The following ESRRG variants were observed in gnomAD, a reference collection of about 807,000 sequenced individuals.
ESRRG encodes estrogen related receptor gamma, also known as estrogen-related receptor gamma.
A neutral mutation model predicts 44.0 loss-of-function variants in ESRRG; 13 were observed. That is an observed-to-expected ratio of 0.30 (90% CI 0.19 to 0.47). The LOEUF is 0.47. ESRRG is among the 20% of genes least tolerant of loss of function. The probability of loss-of-function intolerance (pLI) is 1.00; values close to 1 mark genes in which losing one functional copy is unlikely to be tolerated. For missense variants in ESRRG, 395 were observed against 580.6 expected, an observed-to-expected ratio of 0.68 and a Z score of 3.29; for synonymous variants, 215 against 214.6, an observed-to-expected ratio of 1.00 and a Z score of -0.02.
intron 1 of ESRRG, among the ~76,000 whole-genome samples, chr1:217,017,136 A>G (rs1560483621): frequency 6.6e-6 from 1 of 152,132 alleles, no homozygotes; most frequent in African/African-American, 2.4e-5. Flanking sequence ...CTTATTTTAG[A>G]ACTGTAGACA....
chr1:216,527,242 A>G (rs1248672827), intron 5 of ESRRG, among the ~76,000 whole-genome samples: 1 of 152,148 alleles, frequency 6.6e-6, no homozygotes, highest in Non-Finnish European at 1.5e-5. Context: ...ATCCATATCC[A>G]TCACTTTCTC....
chr1:216,737,407 A>AG (rs5780917), intron 2 of ESRRG, among the ~76,000 whole-genome samples: 148,080 of 152,148 alleles, frequency 0.97, 72,167 homozygotes, highest in Middle Eastern at 1. Flanking sequence ...ATTGTTGCTA[A>AG]GGGATTAAAT....
chr1:216,671,273 G>A lies in ESRRG; in HGVS notation c.472+5803C>T, dbSNP rs150912031. 9.2e-5 allele frequency among the ~76,000 whole-genome samples: 14 copies of A among 152,288 alleles called. No homozygotes were observed. In the East Asian group the frequency reaches 2.1e-3, roughly 23 times the overall value. On this transcript the variant is annotated intron_variant, in intron 2 of 6. Coordinates refer to ENST00000408911, the MANE Select transcript of ESRRG (RefSeq NM_001438.4). ...CAGGGAAATAAAGTTAATTGAGCAC[G>A]ATAAGCTAAATATAACTAAACAAAT...
At chr1:217,003,216 T>C (rs2077274153) in intron 1 of ESRRG, among the ~76,000 whole-genome samples, 2 of 152,050 alleles carry the variant, frequency 1.3e-5, no homozygotes, top group Non-Finnish European at 2.9e-5. Flanking sequence ...TGAAGTGATA[T>C]AATGTTGGAG....
chr1:216,859,324 C>T (rs2149078666), intron 2 of ESRRG, among the ~76,000 whole-genome samples: 1 of 152,248 alleles, frequency 6.6e-6, no homozygotes, highest in South Asian at 2.1e-4. Context: ...AGGTCAAATG[C>T]AAAAGGTGAA....
intron 2 of ESRRG, among the ~76,000 whole-genome samples, chr1:216,778,277 C>A (rs1422234051): frequency 6.6e-6 from 1 of 151,914 alleles, no homozygotes; most frequent in East Asian, 1.9e-4. Context: ...AGTTCAAATG[C>A]CTCTTCAGAG....
At chr1:216,809,517 A>T (rs972522079) in intron 2 of ESRRG, among the ~76,000 whole-genome samples, 4 of 152,152 alleles carry the variant, frequency 2.6e-5, no homozygotes, top group Non-Finnish European at 5.9e-5. Flanking sequence ...TTTTATGCTG[A>T]ATTCCAAATG....
intron 2 of ESRRG, among the ~76,000 whole-genome samples, chr1:216,934,521 C>A (rs2063828892): frequency 6.6e-6 from 1 of 152,036 alleles, no homozygotes; most frequent in Non-Finnish European, 1.5e-5. Flanking sequence ...GGTGGCCTCA[C>A]AATCACGGTG....
At chr1:216,550,128 C>T (rs1220529122) in intron 5 of ESRRG, among the ~76,000 whole-genome samples, 1 of 152,118 alleles carries the variant, frequency 6.6e-6, no homozygotes, top group Non-Finnish European at 1.5e-5. Flanking sequence ...AGTGTGATGA[C>T]AAGCCAGTTA....
At chr1:217,061,441 C>T (rs1406049519) in intron 1 of ESRRG, among the ~76,000 whole-genome samples, 1 of 152,118 alleles carries the variant, frequency 6.6e-6, no homozygotes, top group Non-Finnish European at 1.5e-5. Context: ...CCTAGGACTG[C>T]TTTCACGCTT....
chr1:216,949,568 A>AT (rs1459563694), intron 1 of ESRRG, among the ~76,000 whole-genome samples: 4 of 152,180 alleles, frequency 2.6e-5, no homozygotes, highest in African/African-American at 9.6e-5. Context: ...GTCTGAGATC[A>AT]TAAGTGTTAC....
Position 216,594,390 on chromosome 1 carries a change from A to T in ESRRG, c.590-26292T>A, listed in dbSNP as rs186317926. ...TCTTTGAATACTATTCCAAATTAGAATATTTTAAGGAGAGCAAAATGCCTG... is the reference window on the plus strand; with the variant it reads ...TCTTTGAATACTATTCCAAATTAGATTATTTTAAGGAGAGCAAAATGCCTG... On this transcript the variant is annotated intron_variant, in intron 3 of 6. Coordinates refer to ENST00000408911, the MANE Select transcript of ESRRG (RefSeq NM_001438.4). Among the ~76,000 whole-genome samples the T allele has an allele frequency of 1.7e-3, 256 of 152,322 alleles. 3 individuals carry two copies. Among genetic ancestry groups the T allele is most frequent in the Admixed American group, 0.014 (214 of 15,306 alleles).
At chr1:217,100,466 G>A (rs1458595395) in intron 1 of ESRRG, among the ~76,000 whole-genome samples, 1 of 152,176 alleles carries the variant, frequency 6.6e-6, no homozygotes, top group Non-Finnish European at 1.5e-5. Flanking sequence ...TTCACAAACT[G>A]TGGGTTAGAG....
chr1:216,737,889 C>T (rs190252587), intron 2 of ESRRG, among the ~76,000 whole-genome samples: 3 of 152,000 alleles, frequency 2.0e-5, no homozygotes, highest in East Asian at 3.9e-4. Flanking sequence ...AGAAAATATT[C>T]GTCCTTACAT....
chr1:216,594,488 T>C (rs2058153486), intron 3 of ESRRG, among the ~76,000 whole-genome samples: 2 of 152,220 alleles, frequency 1.3e-5, no homozygotes, highest in African/African-American at 2.4e-5. Context: ...GGGAAGACTT[T>C]AGGCAAACTG....
chr1:216,729,200 T>C (rs1305787287), intron 2 of ESRRG, among the ~76,000 whole-genome samples: 2 of 152,230 alleles, frequency 1.3e-5, no homozygotes, highest in Non-Finnish European at 2.9e-5. Flanking sequence ...TGGCCCCAGT[T>C]TGGGGACCAT....
At chr1:216,697,267 C>G (rs930151216) in intron 1 of ESRRG, among the ~76,000 whole-genome samples, 1 of 152,026 alleles carries the variant, frequency 6.6e-6, no homozygotes, top group African/African-American at 2.4e-5. Context: ...CACCTGGCCC[C>G]AAATATCATG....
At chr1:216,542,536 T>C (rs879714427) in intron 5 of ESRRG, among the ~76,000 whole-genome samples, 5 of 152,038 alleles carry the variant, frequency 3.3e-5, no homozygotes, top group Admixed American at 2.6e-4. Context: ...AGCTGCCATA[T>C]GAAGGCTTAT....
intron 3 of ESRRG, among the ~76,000 whole-genome samples, chr1:216,648,290 A>T (rs2068086706): frequency 6.6e-6 from 1 of 152,124 alleles, no homozygotes; most frequent in Non-Finnish European, 1.5e-5. Context: ...ACTCATAACC[A>T]TCCCATCCTT....
Sources: allele counts gnomAD v4.1 joint callset (sites outside exome capture counted in the v4.1 genomes callset), GRCh38; gene constraint gnomAD v4.1.1; transcripts MANE v1.5; gene names NCBI Gene and HGNC (gene_info 2026-07-23, HGNC 2026-07-21).